Variants in GLCCI1 observed in about 807,000 individuals in gnomAD.
GLCCI1 encodes the protein glucocorticoid induced 1.
A neutral mutation model predicts 52.2 loss-of-function variants in GLCCI1; 24 were observed. That is an observed-to-expected ratio of 0.46 (90% CI 0.33 to 0.65). The LOEUF is 0.65. GLCCI1 is among the 30% of genes least tolerant of loss of function. The pLI is 0.02. For synonymous variants in GLCCI1, 310 were observed against 276.5 expected, an observed-to-expected ratio of 1.12 and a Z score of -1.20; for missense variants, 704 against 701.5, an observed-to-expected ratio of 1.00 and a Z score of -0.04.
At chr7:7,982,639 C>A (rs1356239832) in intron 1 of GLCCI1, among the ~76,000 whole-genome samples, 1 of 152,108 alleles carries the variant, frequency 6.6e-6, no homozygotes, top group Non-Finnish European at 1.5e-5. Context: ...GAACCCTCTC[C>A]CTCTCAAGTA....
At chr7:8,040,733 T>G (rs1045667786) in intron 3 of GLCCI1, among the ~76,000 whole-genome samples, 3 of 152,198 alleles carry the variant, frequency 2.0e-5, no homozygotes, top group Admixed American at 1.3e-4. Flanking sequence ...AATTTCATTC[T>G]TAAAAGTCTG....
At chr7:7,970,755 A>G (rs37974) in intron 1 of GLCCI1, among the ~76,000 whole-genome samples, 70,563 of 151,894 alleles carry the variant, frequency 0.46, 16,534 homozygotes, top group Middle Eastern at 0.57. Context: ...AAGATTAGCC[A>G]AAACAGGGAC....
chr7:8,056,004 A>C (rs947804438), intron 4 of GLCCI1, among the ~76,000 whole-genome samples: 15 of 147,058 alleles, frequency 1.0e-4, no homozygotes, highest in Non-Finnish European at 2.1e-4. Flanking sequence ...AAAAAAAAAA[A>C]AAACAAAAAC....
intron 2 of GLCCI1, among the ~76,000 whole-genome samples, chr7:8,021,124 T>G (rs1350687411): frequency 6.6e-6 from 1 of 152,244 alleles, no homozygotes; most frequent in Non-Finnish European, 1.5e-5. Flanking sequence ...ACGGTTTTTT[T>G]GAATATCATT....
At chr7:8,057,753 ATTGT>A (rs1189147508) in intron 4 of GLCCI1, among the ~76,000 whole-genome samples, 1 of 152,138 alleles carries the variant, frequency 6.6e-6, no homozygotes, top group Admixed American at 6.5e-5. Flanking sequence ...CAATTAACAT[ATTGT>A]TTGTTTCAGG....
rs767022298 is a variant in GLCCI1, at chr7:8,086,241, C to T, written c.1347C>T (p.Asn449=). 6.2e-7 allele frequency: 1 copy of T among 1,613,972 alleles called. No individual in the cohort carries two copies. The highest frequency in any genetic ancestry group is 1.3e-5 in the African/African-American group (1 of 74,916). ...CTCTCTTTTCATGTCCTGACAAAAA[C>T]AAGGTTAATTTCATCCCAACCGGAT... ...SAPLFSCPDK[N]KVNFIPTGSA... is the part of the protein sequence containing the mutation. The change falls in exon 8 of 8, where the codon AAC becomes AAT. Residue 449 remains asparagine, a synonymous_variant. Coordinates refer to ENST00000223145, the MANE Select transcript of GLCCI1 (RefSeq NM_138426.4). The surrounding 1 kb of genome is among the most constrained non-coding windows in gnomAD (Gnocchi z 4.4).
At chr7:8,028,432 A>G (rs187438494) in intron 3 of GLCCI1, among the ~76,000 whole-genome samples, 65 of 152,314 alleles carry the variant, frequency 4.3e-4, no homozygotes, top group African/African-American at 1.5e-3. Context: ...GAAGCACAAC[A>G]TACCAAAATC....
intron 6 of GLCCI1, among the ~76,000 whole-genome samples, chr7:8,081,599 T>C (rs1400487711): frequency 2.6e-5 from 4 of 152,166 alleles, no homozygotes; most frequent in African/African-American, 9.7e-5. Context: ...ATACCAGATA[T>C]AATAAAAATC....
chr7:8,075,276 A>G (rs1023203030), intron 6 of GLCCI1, among the ~76,000 whole-genome samples: 14 of 151,956 alleles, frequency 9.2e-5, no homozygotes, highest in African/African-American at 3.1e-4. Context: ...TTTCGTTTTG[A>G]TTTTTTACTA....
At chr7:8,020,641 T>TTGAA (rs1232802855) in intron 2 of GLCCI1, among the ~76,000 whole-genome samples, 18 of 152,204 alleles carry the variant, frequency 1.2e-4, no homozygotes, top group Non-Finnish European at 2.4e-4. Context: ...AAAATGAATG[T>TTGAA]AATTCATATT....
Position 8,087,726 on chromosome 7 carries a change from C to A in GLCCI1, c.*1188C>A, listed in dbSNP as rs1235315071. ...TACTTGGGTCTCAGAATTGATGCAA[C>A]ATAAGCAGGTTTTTTTGGTGACTTA... On this transcript the variant is annotated 3_prime_UTR_variant, in exon 8 of 8. Coordinates refer to ENST00000223145, the MANE Select transcript of GLCCI1 (RefSeq NM_138426.4). 7.0e-6 allele frequency: 1 copy of A among 143,316 alleles called. No individual in the cohort carries two copies. The highest frequency in any genetic ancestry group is 2.3e-4 in the East Asian group (1 of 4,394). The allele number at this position is 143,316 out of a possible 1,614,324, so 8.9% of individuals were successfully genotyped here.
chr7:7,988,530 T>A (rs986214083), intron 1 of GLCCI1, among the ~76,000 whole-genome samples: 1 of 152,174 alleles, frequency 6.6e-6, no homozygotes, highest in Non-Finnish European at 1.5e-5. Flanking sequence ...TTTAATGTCT[T>A]CGGAGAATTT....
At chr7:8,012,776 T>C (rs2127945721) in intron 2 of GLCCI1, among the ~76,000 whole-genome samples, 1 of 152,280 alleles carries the variant, frequency 6.6e-6, no homozygotes, top group East Asian at 1.9e-4. Flanking sequence ...GATAGTGTAC[T>C]AGTTTTTAAT....
intron 5 of GLCCI1, among the ~76,000 whole-genome samples, chr7:8,069,065 T>C (rs1450903927): frequency 6.6e-6 from 1 of 152,150 alleles, no homozygotes; most frequent in Non-Finnish European, 1.5e-5. Context: ...CCTCTCCTAC[T>C]CAAGTGCTGG....
At chr7:8,011,267 G>C (rs1390212508) in intron 2 of GLCCI1, among the ~76,000 whole-genome samples, 1 of 152,050 alleles carries the variant, frequency 6.6e-6, no homozygotes, top group Non-Finnish European at 1.5e-5. Context: ...ACTTTTTCCA[G>C]CTGAAACTCT....
chr7:8,079,052 T>C (rs1477719519), intron 6 of GLCCI1, among the ~76,000 whole-genome samples: 1 of 152,214 alleles, frequency 6.6e-6, no homozygotes, highest in Non-Finnish European at 1.5e-5. Flanking sequence ...TTAGTAAATA[T>C]TTAAGTGAAT....
chr7:8,055,992 CAA>C (rs35822583), intron 4 of GLCCI1, among the ~76,000 whole-genome samples: 5 of 120,664 alleles, frequency 4.1e-5, no homozygotes, highest in East Asian at 2.5e-4. Flanking sequence ...GACTCCGTCT[CAA>C]AAAAAAAAAA....
At chr7:7,979,195 C>A (rs1471678387) in intron 1 of GLCCI1, among the ~76,000 whole-genome samples, 2 of 152,062 alleles carry the variant, frequency 1.3e-5, no homozygotes, top group East Asian at 3.8e-4. Flanking sequence ...CAGTATTCTG[C>A]AATATTTCGA....
intron 6 of GLCCI1, among the ~76,000 whole-genome samples, chr7:8,077,233 TCCC>T (rs1367932636): frequency 6.6e-6 from 1 of 152,114 alleles, no homozygotes; most frequent in East Asian, 1.9e-4. Context: ...GGAGTTTTCC[TCCC>T]CCATTATCTT....
Sources: gnomAD v4.1 joint callset for allele counts (sites outside exome capture counted in the v4.1 genomes callset) on GRCh38, gnomAD v4.1.1 for gene constraint, Gnocchi (gnomAD v3.1) non-coding constraint, MANE v1.5 for transcripts, NCBI Gene and HGNC (gene_info 2026-07-23, HGNC 2026-07-21) for gene names.